The following LRRN1 variants were observed in gnomAD, a reference collection of about 807,000 sequenced individuals.
LRRN1 encodes leucine rich repeat neuronal 1, also known as leucine-rich repeat neuronal protein 1.
LRRN1 carries 14 observed loss-of-function variants against 45.8 expected under a neutral mutation model. That is an observed-to-expected ratio of 0.31 (90% CI 0.20 to 0.48). The LOEUF (loss-of-function observed/expected upper bound fraction) is 0.48. Among genes scored for constraint, LRRN1 ranks in the 20% least tolerant of loss-of-function variants. The pLI, the probability that LRRN1 is intolerant of heterozygous loss-of-function variation, is 0.99. For missense variants in LRRN1, 789 were observed against 874.2 expected (o/e 0.90, Z 1.23); for synonymous variants, 359 against 330.1 (o/e 1.09, Z -0.95).
chr3:3,834,074 T>C (rs6794196), intron 1 of LRRN1, among the ~76,000 whole-genome samples: 150,357 of 152,232 alleles, frequency 0.99, 74,281 homozygotes, highest in Middle Eastern at 1. Flanking sequence ...TCACTCAGGG[T>C]AATCTTAGCA....
At chr3:3,830,277 A>T (rs2106463480) in intron 1 of LRRN1, among the ~76,000 whole-genome samples, 1 of 152,268 alleles carries the variant, frequency 6.6e-6, no homozygotes. Context: ...CCTCCTCCCC[A>T]AATTTCTTTG....
intron 1 of LRRN1, among the ~76,000 whole-genome samples, chr3:3,828,150 ATAT>A (rs1347305796): frequency 4.4e-5 from 6 of 135,270 alleles, no homozygotes; most frequent in Admixed American, 1.5e-4. Flanking sequence ...ATATATATAT[ATAT>A]TATATATATA....
chr3:3,800,311 G>C (rs1055745060), intron 1 of LRRN1, among the ~76,000 whole-genome samples: 5 of 152,120 alleles, frequency 3.3e-5, no homozygotes, highest in Non-Finnish European at 7.4e-5. Context: ...TGTGAACCGG[G>C]GAAGGCAGCT....
rs562503438 is a variant in LRRN1, at chr3:3,835,155, G to A, written c.-278-9209G>A. On this transcript the variant is annotated intron_variant, in intron 1 of 1. Coordinates refer to ENST00000319331, the MANE Select transcript of LRRN1 (RefSeq NM_020873.7). ...GCTTCTCAGCTTATGATAGGGTTAC[G>A]TCCTGATACACCCATCTTAAGTTGA... Among the ~76,000 whole-genome samples the A allele has an allele frequency of 1.2e-4, 18 of 152,268 alleles. No homozygotes were observed. In the South Asian group the frequency reaches 2.7e-3, roughly 23 times the overall value.
rs117658433 is a variant in LRRN1 at position 3,823,105 on chromosome 3, G to C, written c.-278-21259G>C. On this transcript the variant is annotated intron_variant, in intron 1 of 1. Coordinates refer to ENST00000319331, the MANE Select transcript of LRRN1 (RefSeq NM_020873.7). ...CTTCACTGTGATTGGAGGGGCTCAA[G>C]TCATTTGGGAAAAATCGGTGTTGGC... is the stretch of plus-strand genomic sequence containing the variant. Among the ~76,000 whole-genome samples, 14 of 152,272 alleles carry C rather than the reference G, an allele frequency of 9.2e-5. No individual in the cohort carries two copies. The East Asian group carries it at 2.5e-3, about 27-fold the overall frequency.
chr3:3,831,273 C>G (rs1049641035), intron 1 of LRRN1, among the ~76,000 whole-genome samples: 4 of 152,246 alleles, frequency 2.6e-5, no homozygotes, highest in Non-Finnish European at 5.9e-5. Context: ...AATACAGCAA[C>G]TTATCCTTCA....
chr3:3,813,066 T>C (rs1036983025), intron 1 of LRRN1, among the ~76,000 whole-genome samples: 1 of 152,182 alleles, frequency 6.6e-6, no homozygotes, highest in African/African-American at 2.4e-5. Context: ...TTATAGTAGT[T>C]TGGTGATAGC....
At position 3,846,485 on chromosome 3, in the gene LRRN1, A is replaced by G. The variant is rs1693781518; in HGVS notation, c.1844A>G (p.Lys615Arg). ...AAGTCATGCGTAAATGTCACAACCA[A>G]AAATGCCGCCTTCGCAGTGGACATC... ...TQKSCVNVTT[K>R]NAAFAVDISD... The change falls in exon 2 of 2, where the codon AAA (lysine) becomes AGA (arginine). Residue 615 changes from lysine to arginine, a missense_variant. Transcript: ENST00000319331. This position sits in a 1 kb window ranked among gnomAD's most constrained non-coding sequence, Gnocchi z 5.7. 1.9e-6 allele frequency: 3 copies of G among 1,614,074 alleles called. No individual in the cohort carries two copies. Among genetic ancestry groups the G allele is most frequent in the Non-Finnish European group, 2.5e-6 (3 of 1,180,030 alleles).
In LRRN1 at chr3:3,846,521, A is replaced by C. The variant is rs555167781; in HGVS notation, c.1880A>C (p.Glu627Ala). The C allele has an allele frequency of 6.2e-7, 1 of 1,614,218 alleles. No homozygotes were observed. The highest frequency in any genetic ancestry group is 1.1e-5 in the South Asian group (1 of 91,086). ...TTCGCAGTGGACATCTCTGATCAAGAAACCAGTACAGCCCTTGCTGCAGTA... is the reference window on the plus strand; with the variant it reads ...TTCGCAGTGGACATCTCTGATCAAGCAACCAGTACAGCCCTTGCTGCAGTA... ...AAFAVDISDQETSTALAAVMG... is the reference protein window; with the variant it reads ...AAFAVDISDQATSTALAAVMG... Residue 627 changes from glutamate to alanine, a missense_variant, in exon 2 of 2, where the codon GAA becomes GCA. Coordinates refer to ENST00000319331, the MANE Select transcript of LRRN1 (RefSeq NM_020873.7). This position sits in a 1 kb window ranked among gnomAD's most constrained non-coding sequence, Gnocchi z 5.7.
intron 1 of LRRN1, among the ~76,000 whole-genome samples, chr3:3,843,866 A>C (rs1235010414): frequency 6.6e-6 from 1 of 152,232 alleles, no homozygotes; most frequent in Admixed American, 6.5e-5. Context: ...TAAATAACTA[A>C]AAATTAGCTT....
At chr3:3,821,137 C>T (rs1054455248) in intron 1 of LRRN1, among the ~76,000 whole-genome samples, 5 of 152,190 alleles carry the variant, frequency 3.3e-5, no homozygotes, top group Admixed American at 1.3e-4. Context: ...TCCCTTAAAA[C>T]GATCTCCAGA....
rs995796279 is a variant in LRRN1, at chr3:3,848,373, G to T, written c.*1581G>T. On this transcript the variant is annotated 3_prime_UTR_variant, in exon 2 of 2. Coordinates refer to ENST00000319331, the MANE Select transcript of LRRN1 (RefSeq NM_020873.7). The stretch of plus-strand genomic sequence containing the variant: ...TCCACAAAGGGCAGAGGGAGGGATG[G>T]GATTTAATAGGTAAAGAAGAACCCA... Among the ~76,000 whole-genome samples, 1 of 152,068 alleles carries T rather than the reference G, an allele frequency of 6.6e-6. No homozygotes were observed. The highest frequency in any genetic ancestry group is 1.5e-5 in the Non-Finnish European group (1 of 68,006).
intron 1 of LRRN1, among the ~76,000 whole-genome samples, chr3:3,841,920 G>A (rs1204447870): frequency 4.6e-5 from 7 of 152,192 alleles, no homozygotes; most frequent in Admixed American, 4.6e-4. Flanking sequence ...TAATGATGGG[G>A]ATGTGTTCTG....
At chr3:3,818,329 T>G (rs555906393) in intron 1 of LRRN1, among the ~76,000 whole-genome samples, 4 of 152,156 alleles carry the variant, frequency 2.6e-5, no homozygotes, top group Non-Finnish European at 5.9e-5. Flanking sequence ...TAAAATTAAT[T>G]GATTTCATGG....
chr3:3,834,464 C>A (rs888258352), intron 1 of LRRN1, among the ~76,000 whole-genome samples: 1 of 131,772 alleles, frequency 7.6e-6, no homozygotes, highest in African/African-American at 2.8e-5. Flanking sequence ...ATATTCTGTT[C>A]CTTTAGAACC....
chr3:3,806,321 A>G (rs555793256), intron 1 of LRRN1, among the ~76,000 whole-genome samples: 2 of 152,348 alleles, frequency 1.3e-5, no homozygotes, highest in Admixed American at 1.3e-4. Flanking sequence ...ACACAAGTAC[A>G]GAAGCAGCAG....
Position 3,844,800 on chromosome 3 carries a change from C to A in LRRN1, c.159C>A (p.Ala53=). The A allele has an allele frequency of 6.2e-7, 1 of 1,614,164 alleles. No individual in the cohort carries two copies. Among genetic ancestry groups the A allele is most frequent in the South Asian group, 1.1e-5 (1 of 91,080 alleles). The change falls in exon 2 of 2, where the codon GCC becomes GCA. Residue 53 remains alanine (A), a synonymous_variant. Coordinates refer to ENST00000319331, the MANE Select transcript of LRRN1 (RefSeq NM_020873.7). The part of the protein sequence containing the change: ...WFTPQSTYRE[A]TTVDCNDLRL... ...CCCCACAGTCAACTTACAGAGAAGC[C>A]ACCACTGTTGATTGCAATGACCTCC...
chr3:3,804,402 G>A lies in LRRN1; in HGVS notation c.-279+4483G>A, dbSNP rs549228352. On this transcript the variant is annotated intron_variant, in intron 1 of 1. Coordinates refer to ENST00000319331, the MANE Select transcript of LRRN1 (RefSeq NM_020873.7). ...CTTATATGGAACCATTGTACCTAAT[G>A]AACTGAGGATCATTCCTGAGATGCG... is the stretch of plus-strand genomic sequence containing the variant. Among the ~76,000 whole-genome samples, 4 of 152,312 alleles carry A rather than the reference G, an allele frequency of 2.6e-5. No homozygotes were observed. The South Asian group carries it at 8.3e-4, about 32-fold the overall frequency.
intron 1 of LRRN1, among the ~76,000 whole-genome samples, chr3:3,817,021 C>T (rs779650258): frequency 5.3e-5 from 8 of 152,250 alleles, no homozygotes; most frequent in East Asian, 1.9e-4. Context: ...AATTAGCCTA[C>T]GTGATTATGG....
Sources: allele counts gnomAD v4.1 joint callset (sites outside exome capture counted in the v4.1 genomes callset), GRCh38; gene constraint gnomAD v4.1.1; non-coding constraint Gnocchi (gnomAD v3.1); transcripts MANE v1.5; gene names NCBI Gene and HGNC (gene_info 2026-07-23, HGNC 2026-07-21).